The following MLLT10 variants were observed in gnomAD, a reference collection of about 807,000 sequenced individuals.
MLLT10 encodes protein AF-10.
MLLT10 carries 30 observed loss-of-function variants against 129.1 expected under a neutral mutation model. The ratio of observed to expected loss-of-function variants is 0.23; its 90% confidence interval spans 0.17 to 0.32. The LOEUF (loss-of-function observed/expected upper bound fraction) is 0.32, where lower values mean the gene tolerates loss of function less well. Ranked by LOEUF, MLLT10 falls within the 10% of genes least tolerant of loss-of-function variation. MLLT10 has a pLI of 1.00. For synonymous variants in MLLT10, 490 were observed against 446.4 expected (o/e 1.10, Z -1.23); for missense variants, 1,119 against 1,268.3 (o/e 0.88, Z 1.79).
At position 21,673,446 on chromosome 10, in the gene MLLT10, G is replaced by A. The variant is rs375621397; in HGVS notation, c.1148G>A (p.Arg383His). ...CTGAGCTTTACAGACTCAGATCTGC[G>A]TAATGACAGTTACTCTCACTCCCAA... ...DFLSFTDSDL[R>H]NDSYSHSQQS... Residue 383 changes from arginine to histidine, a missense_variant, in exon 11 of 23, where the codon CGT becomes CAT. Arg to His is a conservative substitution (Grantham distance 29, BLOSUM62 0). Coordinates refer to ENST00000307729, the MANE Select transcript of MLLT10 (RefSeq NM_001195626.3). 1.3e-5 allele frequency: 21 copies of A among 1,612,904 alleles called. No individual in the cohort carries two copies. Among genetic ancestry groups the A allele is most frequent in the African/African-American group, 9.4e-5 (7 of 74,508 alleles).
At chr10:21,603,805 G>C (rs1284082689) in intron 5 of MLLT10, among the ~76,000 whole-genome samples, 1 of 151,178 alleles carries the variant, frequency 6.6e-6, no homozygotes, top group Non-Finnish European at 1.5e-5. Flanking sequence ...GGATGTCAGT[G>C]GTTGACAGTT....
chr10:21,547,240 T>G (rs1462444696), intron 3 of MLLT10, among the ~76,000 whole-genome samples: 1 of 152,126 alleles, frequency 6.6e-6, no homozygotes, highest in Non-Finnish European at 1.5e-5. Context: ...TTTATTTTAG[T>G]GATTGCACTT....
chr10:21,546,293 G>A (rs1451814170), intron 3 of MLLT10, among the ~76,000 whole-genome samples: 1 of 152,074 alleles, frequency 6.6e-6, no homozygotes. Context: ...GCTCAGGCTG[G>A]TCTTGAACTC....
At chr10:21,662,032 C>T (rs1263412976) in intron 9 of MLLT10, among the ~76,000 whole-genome samples, 1 of 151,804 alleles carries the variant, frequency 6.6e-6, no homozygotes, top group Non-Finnish European at 1.5e-5. Flanking sequence ...CCTCTCATCA[C>T]ACTTTAAGTG....
chr10:21,573,692 A>G (rs1437960800), intron 3 of MLLT10, among the ~76,000 whole-genome samples: 3 of 151,790 alleles, frequency 2.0e-5, no homozygotes, highest in Non-Finnish European at 4.4e-5. Context: ...TCAGACTCCC[A>G]AGTAGCTGAG....
chr10:21,646,854 T>C (rs1034623741), intron 8 of MLLT10, among the ~76,000 whole-genome samples: 16 of 135,832 alleles, frequency 1.2e-4, no homozygotes, highest in Non-Finnish European at 1.9e-4. Flanking sequence ...GACTATTCCC[T>C]TTTTTTTTTT....
intron 4 of MLLT10, among the ~76,000 whole-genome samples, chr10:21,590,872 C>A (rs1012096741): frequency 6.6e-6 from 1 of 151,964 alleles, no homozygotes; most frequent in Non-Finnish European, 1.5e-5. Flanking sequence ...AACTTCTGCT[C>A]TTTATTATTT....
chr10:21,557,203 A>G (rs1014015309), intron 3 of MLLT10: 3 of 1,245,340 alleles, frequency 2.4e-6, no homozygotes, highest in African/African-American at 3.0e-5. Context: ...CTGTGTTGTT[A>G]TTTTTCCCCT....
At chr10:21,621,839 T>C (rs1320689566) in intron 8 of MLLT10, among the ~76,000 whole-genome samples, 1 of 152,210 alleles carries the variant, frequency 6.6e-6, no homozygotes, top group East Asian at 1.9e-4. Flanking sequence ...CTGGCATCTG[T>C]TTCTCTTTGT....
chr10:21,536,432 C>T (rs2034013389), intron 2 of MLLT10, among the ~76,000 whole-genome samples: 1 of 152,100 alleles, frequency 6.6e-6, no homozygotes, highest in Admixed American at 6.5e-5. Flanking sequence ...ATTTCTATGT[C>T]CCAATATAGA....
Position 21,603,089 on chromosome 10 carries a change from G to C in MLLT10, c.405+7649G>C, listed in dbSNP as rs377583077. Reference sequence around the variant, plus strand: ...TTTTTTTTTGAGATGGAATCTCACTGTTTCCCAGGCTGAAATGCAGTGGTG... The same window carrying C: ...TTTTTTTTTGAGATGGAATCTCACTCTTTCCCAGGCTGAAATGCAGTGGTG... On this transcript the variant is annotated intron_variant, in intron 5 of 22. Transcript: ENST00000307729. Among the ~76,000 whole-genome samples the C allele has an allele frequency of 3.3e-5, 5 of 149,506 alleles. No individual in the cohort carries two copies. The East Asian group carries it at 8.0e-4, about 24-fold the overall frequency.
intron 9 of MLLT10, among the ~76,000 whole-genome samples, chr10:21,664,859 T>G (rs1051599862): frequency 6.6e-6 from 1 of 152,106 alleles, no homozygotes; most frequent in Non-Finnish European, 1.5e-5. Context: ...AGCTTTCTAT[T>G]GATTAGCTTT....
intron 3 of MLLT10, among the ~76,000 whole-genome samples, chr10:21,549,508 C>T (rs2036629208): frequency 6.6e-6 from 1 of 152,130 alleles, no homozygotes; most frequent in African/African-American, 2.4e-5. Flanking sequence ...CCTTCTGTAT[C>T]AGCCTTAGCA....
chr10:21,673,029 A>T (rs1484686865), intron 10 of MLLT10, among the ~76,000 whole-genome samples: 1 of 152,078 alleles, frequency 6.6e-6, no homozygotes, highest in Non-Finnish European at 1.5e-5. Context: ...TGTTTGGGGG[A>T]GAATTGCGGA....
intron 8 of MLLT10, among the ~76,000 whole-genome samples, chr10:21,649,204 T>G (rs1348190389): frequency 2.0e-5 from 3 of 152,148 alleles, no homozygotes; most frequent in Non-Finnish European, 4.4e-5. Flanking sequence ...GCCCTCTTAG[T>G]AGCTGGGACC....
chr10:21,553,360 C>T (rs1564396610), intron 3 of MLLT10, among the ~76,000 whole-genome samples: 1 of 149,036 alleles, frequency 6.7e-6, no homozygotes, highest in Non-Finnish European at 1.5e-5. Context: ...GAGTCTCACT[C>T]TGTCACCTGG....
chr10:21,606,544 C>A (rs892179862), intron 5 of MLLT10, among the ~76,000 whole-genome samples: 5 of 152,076 alleles, frequency 3.3e-5, no homozygotes, highest in African/African-American at 1.2e-4. Context: ...TCAACATGAA[C>A]CGGAGTTTGA....
In MLLT10 at chr10:21,740,177, A is replaced by C. The variant is rs1007870056; in HGVS notation, c.3103A>C (p.Thr1035Pro). ...AGGTACACAGGCACCCCCACTTCACACAGCTACCACCAACCCATTTCTCAC... is the reference window on the plus strand; with the variant it reads ...AGGTACACAGGCACCCCCACTTCACCCAGCTACCACCAACCCATTTCTCAC... Reference protein sequence around the residue: ...LAGTQAPPLHTATTNPFLTIH... With the variant: ...LAGTQAPPLHPATTNPFLTIH... The change falls in exon 22 of 23, where the codon ACA becomes CCA. Residue 1035 changes from threonine to proline, a missense_variant. Physicochemically the swap from Thr to Pro is conservative, Grantham distance 38. Coordinates refer to ENST00000307729, the MANE Select transcript of MLLT10 (RefSeq NM_001195626.3). 1 of 1,614,034 alleles carries C rather than the reference A, an allele frequency of 6.2e-7. No homozygotes were observed. The highest frequency in any genetic ancestry group is 8.5e-7 in the Non-Finnish European group (1 of 1,180,048).
At chr10:21,630,910 G>A (rs746183097) in intron 8 of MLLT10, among the ~76,000 whole-genome samples, 29 of 152,222 alleles carry the variant, frequency 1.9e-4, no homozygotes, top group Non-Finnish European at 3.4e-4. Flanking sequence ...TGTTCATACA[G>A]TTGGCCTTAA....
Sources: allele counts gnomAD v4.1 joint callset (sites outside exome capture counted in the v4.1 genomes callset), GRCh38; gene constraint gnomAD v4.1.1; transcripts MANE v1.5; gene names NCBI Gene and HGNC (gene_info 2026-07-23, HGNC 2026-07-21).